SLC17A8: variants seen among roughly 807,000 people sequenced by gnomAD.
SLC17A8 encodes vesicular glutamate transporter 3.
Under a neutral mutation model 58.0 loss-of-function variants are expected in SLC17A8, and 31 were observed. That is an observed-to-expected ratio of 0.53 (90% CI 0.40 to 0.72). The LOEUF is 0.72. Among genes scored for constraint, SLC17A8 ranks in the 30% least tolerant of loss-of-function variants. SLC17A8 has a pLI of 0.00. For synonymous variants in SLC17A8, 228 were observed against 249.0 expected, an observed-to-expected ratio of 0.92 and a Z score of 0.79; for missense variants, 655 against 727.8, an observed-to-expected ratio of 0.90 and a Z score of 1.15.
intron 9 of SLC17A8, 24 bp from the exon 10 acceptor site, chr12:100,412,746 T>C (rs766646538): frequency 6.6e-7 from 1 of 1,517,050 alleles, no homozygotes; most frequent in Admixed American, 1.7e-5. Flanking sequence ...TGACATTTTT[T>C]TCCCTTGCTG....
chr12:100,418,094 G>A lies in SLC17A8; in HGVS notation c.1363G>A (p.Gly455Arg), dbSNP rs1474758888. Reference sequence around the variant, plus strand: ...CAGCATTCTCATGGGGATCTCAAACGGAGTGGGAACCCTCTCTGGAATGGT... The same window carrying A: ...CAGCATTCTCATGGGGATCTCAAACAGAGTGGGAACCCTCTCTGGAATGGT... ...YASILMGISN[G>R]VGTLSGMVCP... is the part of the protein sequence containing the mutation. Residue 455 changes from glycine to arginine, a missense_variant, in exon 11 of 12, where the codon GGA (glycine) becomes AGA (arginine). By Grantham distance (125) the Gly-to-Arg change is moderately radical. Transcript: ENST00000323346. 7 of 1,613,992 alleles carry A rather than the reference G, an allele frequency of 4.3e-6. No individual in the cohort carries two copies. The highest frequency in any genetic ancestry group is 1.6e-4 in the Middle Eastern group (1 of 6,084).
chr12:100,403,205 G>A (rs1476948699), intron 8 of SLC17A8, among the ~76,000 whole-genome samples: 1 of 152,152 alleles, frequency 6.6e-6, no homozygotes, highest in Non-Finnish European at 1.5e-5. Flanking sequence ...TGCCAGGCGT[G>A]GTGGCTCACG....
chr12:100,364,259 TGA>T (rs1952504205), intron 1 of SLC17A8, among the ~76,000 whole-genome samples: 2 of 152,184 alleles, frequency 1.3e-5, no homozygotes, highest in African/African-American at 4.8e-5. Context: ...TGATGTTGGC[TGA>T]GACTTGTAGT....
At chr12:100,373,873 G>C (rs1239803832) in intron 1 of SLC17A8, among the ~76,000 whole-genome samples, 2 of 152,122 alleles carry the variant, frequency 1.3e-5, no homozygotes, top group Non-Finnish European at 2.9e-5. Context: ...ACAGGCATGA[G>C]CCACTGTGCC....
At chr12:100,404,296 C>T in intron 9 of SLC17A8, 126 bp downstream of exon 9, 1 of 1,220,888 alleles carries the variant, frequency 8.2e-7, no homozygotes, top group Non-Finnish European at 1.2e-6. Flanking sequence ...TAAGTCTGTC[C>T]CTCAGCAGAC....
Position 100,419,941 on chromosome 12 carries a change from G to C in SLC17A8, c.1552G>C (p.Glu518Gln). 1 of 1,614,108 alleles carries C rather than the reference G, an allele frequency of 6.2e-7. No individual in the cohort carries two copies. Among genetic ancestry groups the C allele is most frequent in the Non-Finnish European group, 8.5e-7 (1 of 1,180,036 alleles). Reference sequence around the variant, plus strand: ...GGCTGACCCAGAGAATCTCTCTGAGGAGAAATGTGGAATCATTGACCAGGA... The same window carrying C: ...GGCTGACCCAGAGAATCTCTCTGAGCAGAAATGTGGAATCATTGACCAGGA... Reference protein sequence around the residue: ...EWADPENLSEEKCGIIDQDEL... With the variant: ...EWADPENLSEQKCGIIDQDEL... The change falls in exon 12 of 12, where the codon GAG becomes CAG. Residue 518 changes from glutamate (E) to glutamine (Q), a missense_variant. Glu to Gln is a conservative substitution (Grantham distance 29). Coordinates refer to ENST00000323346, the MANE Select transcript of SLC17A8 (RefSeq NM_139319.3).
At chr12:100,393,757 T>C (rs1592999410) in intron 4 of SLC17A8, among the ~76,000 whole-genome samples, 1 of 152,342 alleles carries the variant, frequency 6.6e-6, no homozygotes, top group East Asian at 1.9e-4. Flanking sequence ...ATAGTGTAAC[T>C]GAAGCCCAAA....
chr12:100,385,062 C>T (rs561289383), intron 2 of SLC17A8, among the ~76,000 whole-genome samples: 2 of 151,826 alleles, frequency 1.3e-5, no homozygotes, highest in South Asian at 2.1e-4. Flanking sequence ...CAAGAGTGCA[C>T]TATTGTCTAA....
chr12:100,359,042 G>A (rs927215454), intron 1 of SLC17A8, among the ~76,000 whole-genome samples: 3 of 152,024 alleles, frequency 2.0e-5, no homozygotes, highest in African/African-American at 7.3e-5. Context: ...CCAAGAAGTG[G>A]GAGTATTGCT....
intron 10 of SLC17A8, among the ~76,000 whole-genome samples, chr12:100,416,877 A>G (rs191226291): frequency 6.6e-6 from 1 of 152,334 alleles, no homozygotes; most frequent in East Asian, 1.9e-4. Flanking sequence ...GGAAGTTTAA[A>G]TCCTTGGTCT....
At chr12:100,368,349 CTG>C (rs1285510712) in intron 1 of SLC17A8, among the ~76,000 whole-genome samples, 4 of 152,206 alleles carry the variant, frequency 2.6e-5, no homozygotes, top group Non-Finnish European at 5.9e-5. Context: ...CCCCTGGTGT[CTG>C]TGTCTATGAT....
chr12:100,389,903 C>G (rs1324246612), intron 2 of SLC17A8, among the ~76,000 whole-genome samples: 4 of 151,894 alleles, frequency 2.6e-5, no homozygotes, highest in Non-Finnish European at 4.4e-5. Context: ...TCACTACAAC[C>G]TCTGCCTCTT....
At chr12:100,409,260 A>G (rs574921780) in intron 9 of SLC17A8, among the ~76,000 whole-genome samples, 1 of 151,994 alleles carries the variant, frequency 6.6e-6, no homozygotes, top group African/African-American at 2.4e-5. Context: ...ATCTTGGCTC[A>G]CTGCAACCTC....
At chr12:100,400,790 T>A (rs1159509736) in intron 5 of SLC17A8, among the ~76,000 whole-genome samples, 1 of 152,098 alleles carries the variant, frequency 6.6e-6, no homozygotes, top group East Asian at 1.9e-4. Flanking sequence ...CATCTTTCCC[T>A]ACCAGACGTC....
intron 1 of SLC17A8, among the ~76,000 whole-genome samples, chr12:100,364,503 A>G (rs1952506083): frequency 6.6e-6 from 1 of 152,212 alleles, no homozygotes; most frequent in Non-Finnish European, 1.5e-5. Flanking sequence ...CCCTGCTGCC[A>G]TGGTTACTCT....
intron 1 of SLC17A8, among the ~76,000 whole-genome samples, chr12:100,374,654 C>G (rs1020942360): frequency 6.6e-6 from 1 of 152,018 alleles, no homozygotes; most frequent in Non-Finnish European, 1.5e-5. Flanking sequence ...TGACTCTGAG[C>G]CCCCTGCCTG....
intron 9 of SLC17A8, among the ~76,000 whole-genome samples, chr12:100,406,957 G>A (rs905590466): frequency 2.0e-5 from 3 of 152,136 alleles, no homozygotes; most frequent in African/African-American, 4.8e-5. Flanking sequence ...CAAATGAGGT[G>A]GCAATGGAGA....
intron 1 of SLC17A8, 40 bp downstream of exon 1, chr12:100,357,532 C>T (rs1269847534): frequency 2.3e-6 from 3 of 1,281,346 alleles, no homozygotes; most frequent in Admixed American, 1.7e-5. Flanking sequence ...TTCTGAGTAG[C>T]TTCGTATTGC....
chr12:100,383,349 G>C (rs1273902621), intron 2 of SLC17A8, among the ~76,000 whole-genome samples: 1 of 152,180 alleles, frequency 6.6e-6, no homozygotes, highest in Non-Finnish European at 1.5e-5. Context: ...CTGAAATATG[G>C]TTTAAATTTT....
Sources: gnomAD v4.1 joint callset for allele counts (sites outside exome capture counted in the v4.1 genomes callset) on GRCh38, gnomAD v4.1.1 for gene constraint, MANE v1.5 for transcripts, NCBI Gene and HGNC (gene_info 2026-07-23, HGNC 2026-07-21) for gene names.